The following SLC1A6 variants were observed in gnomAD, a reference collection of about 807,000 sequenced individuals.
SLC1A6 encodes the protein excitatory amino acid transporter 4.
Under a neutral mutation model 42.1 loss-of-function variants are expected in SLC1A6, and 15 were observed. The ratio of observed to expected loss-of-function variants is 0.36; its 90% confidence interval spans 0.24 to 0.55. SLC1A6 has a LOEUF of 0.55. Among genes scored for constraint, SLC1A6 ranks in the 20% least tolerant of loss-of-function variants. The pLI, the probability that SLC1A6 is intolerant of heterozygous loss-of-function variation, is 0.88. For synonymous variants in SLC1A6, 317 were observed against 319.7 expected (o/e 0.99, Z 0.09); for missense variants, 542 against 772.5 (o/e 0.70, Z 3.54).
At chr19:14,968,536 G>A (rs1427213862) in intron 3 of SLC1A6, 29 bp from the exon 4 acceptor site, 2 of 1,571,716 alleles carry the variant, frequency 1.3e-6, no homozygotes, top group Non-Finnish European at 8.7e-7. Flanking sequence ...GGCCCCCGCA[G>A]CTCCATGCAT....
At chr19:15,006,840 T>C (rs1435904204) in intron 1 of SLC1A6, among the ~76,000 whole-genome samples, 1 of 151,790 alleles carries the variant, frequency 6.6e-6, no homozygotes, top group Non-Finnish European at 1.5e-5. Flanking sequence ...TAGTCCTAGA[T>C]ACTTAGGAGG....
chr19:14,996,528 T>TTTCTTCTTCTTCTTCCTCTTCTTC (rs2045846986), intron 1 of SLC1A6, among the ~76,000 whole-genome samples: 2 of 125,854 alleles, frequency 1.6e-5, no homozygotes, highest in African/African-American at 6.2e-5. Flanking sequence ...CCTCCTCCTC[T>TTTCTTCTTCTTCTTCCTCTTCTTC]TTCTTCTTCT....
chr19:14,996,528 T>TTCTTCTTCTTCTTCTTC (rs2045846808), intron 1 of SLC1A6, among the ~76,000 whole-genome samples: 1 of 125,850 alleles, frequency 7.9e-6, no homozygotes, highest in Non-Finnish European at 1.7e-5. Context: ...CCTCCTCCTC[T>TTCTTCTTCTTCTTCTTC]TTCTTCTTCT....
chr19:14,964,300 C>T lies in SLC1A6; in HGVS notation c.591+19G>A, dbSNP rs2045549385. On this transcript the variant is annotated intron_variant, in intron 5 of 9. Transcript: ENST00000594383. ...CACCCTCCGAATCTCCTTGATCAAACTGTGTACTTCCCCCTGACCTGTTTG... is the reference window on the plus strand; with the variant it reads ...CACCCTCCGAATCTCCTTGATCAAATTGTGTACTTCCCCCTGACCTGTTTG... The T allele has an allele frequency of 8.1e-6, 13 of 1,611,192 alleles. No individual in the cohort carries two copies. The highest frequency in any genetic ancestry group is 3.3e-4 in the Middle Eastern group (2 of 6,058).
intron 1 of SLC1A6, among the ~76,000 whole-genome samples, chr19:14,986,305 G>A (rs921069868): frequency 5.9e-5 from 9 of 151,768 alleles, no homozygotes; most frequent in African/African-American, 1.7e-4. Context: ...ATCACCTAAG[G>A]TCAGAAGTTC....
intron 1 of SLC1A6, among the ~76,000 whole-genome samples, chr19:15,007,531 T>C (rs1420462121): frequency 6.8e-6 from 1 of 146,748 alleles, no homozygotes; most frequent in Non-Finnish European, 1.5e-5. Flanking sequence ...TCATTCATTG[T>C]ATTTATGAAA....
chr19:15,008,954 C>A (rs1448419181), intron 1 of SLC1A6, among the ~76,000 whole-genome samples: 1 of 151,224 alleles, frequency 6.6e-6, no homozygotes, highest in Non-Finnish European at 1.5e-5. Flanking sequence ...CGAGATCATG[C>A]CACTGCACTT....
upstream of SLC1A6, among the ~76,000 whole-genome samples, chr19:14,984,471 T>C (rs1364726578): frequency 6.6e-6 from 1 of 152,218 alleles, no homozygotes; most frequent in Non-Finnish European, 1.5e-5. Context: ...AATTCAGTCT[T>C]ACACAGACAG....
At chr19:14,977,234 C>G (rs2145216372) in intron 1 of SLC1A6, 1 of 152,196 alleles carries the variant, frequency 6.6e-6, no homozygotes, top group East Asian at 1.9e-4. Flanking sequence ...CTCTTCCTTA[C>G]AAGACATAAT....
At chr19:14,951,273 A>AAAAAAAAAAAGAAAG (rs2045410503) in intron 9 of SLC1A6, among the ~76,000 whole-genome samples, 1 of 99,790 alleles carries the variant, frequency 1.0e-5, no homozygotes, top group African/African-American at 3.7e-5. Flanking sequence ...AAAAAAAAAA[A>AAAAAAAAAAAGAAAG]AAAAAGAAAG....
chr19:14,982,909 G>A (rs551671411), upstream of SLC1A6, among the ~76,000 whole-genome samples: 5 of 152,060 alleles, frequency 3.3e-5, no homozygotes, highest in African/African-American at 1.2e-4. Context: ...ATATTTTTAC[G>A]AAAAATAACT....
intron 1 of SLC1A6, among the ~76,000 whole-genome samples, chr19:14,992,040 G>A (rs988450844): frequency 2.6e-5 from 4 of 152,184 alleles, no homozygotes; most frequent in Admixed American, 2.6e-4. Context: ...TGGGCAGGCT[G>A]GTCTTGAACT....
At chr19:14,969,041 T>C (rs138808180) in intron 3 of SLC1A6, among the ~76,000 whole-genome samples, 87 of 152,208 alleles carry the variant, frequency 5.7e-4, no homozygotes, top group African/African-American at 2.1e-3. Flanking sequence ...GGTTTCACCA[T>C]GTTGGCCAGG....
intron 1 of SLC1A6, 95 bp from the exon 2 acceptor site, chr19:14,973,012 C>T (rs1416687459): frequency 1.4e-5 from 14 of 968,808 alleles, no homozygotes; most frequent in Non-Finnish European, 2.0e-5. Flanking sequence ...TGAGCGCTTC[C>T]TGAGGACTCT....
chr19:15,007,510 G>T (rs2045901391), intron 1 of SLC1A6, among the ~76,000 whole-genome samples: 1 of 151,760 alleles, frequency 6.6e-6, no homozygotes, highest in South Asian at 2.1e-4. Context: ...TCTGAATTGT[G>T]CACCTTAAAA....
intron 9 of SLC1A6, among the ~76,000 whole-genome samples, chr19:14,951,361 C>T (rs551018349): frequency 1.3e-5 from 2 of 151,228 alleles, no homozygotes; most frequent in East Asian, 3.9e-4. Flanking sequence ...GAATGGTAAA[C>T]CAGGGCAGGC....
At chr19:14,978,376 C>T (rs775488143) in intron 1 of SLC1A6, 5 of 152,190 alleles carry the variant, frequency 3.3e-5, no homozygotes, top group African/African-American at 4.8e-5. Context: ...AAGAGAGAGA[C>T]GGCATGGAAA....
intron 1 of SLC1A6, among the ~76,000 whole-genome samples, chr19:14,992,817 C>A (rs1015425325): frequency 6.6e-6 from 1 of 152,176 alleles, no homozygotes; most frequent in African/African-American, 2.4e-5. Context: ...TCCCAGACGA[C>A]TGCCCCAGCT....
intron 1 of SLC1A6, among the ~76,000 whole-genome samples, chr19:14,992,657 C>CAAA (rs35913323): frequency 1.9e-4 from 26 of 137,590 alleles, no homozygotes; most frequent in South Asian, 1.4e-3. Context: ...GACTCTGTCT[C>CAAA]AAAAAAAAAA....
Sources: allele counts gnomAD v4.1 joint callset (sites outside exome capture counted in the v4.1 genomes callset), GRCh38; gene constraint gnomAD v4.1.1; transcripts MANE v1.5; gene names NCBI Gene and HGNC (gene_info 2026-07-23, HGNC 2026-07-21).